TBC1D5: variants seen among roughly 807,000 people sequenced by gnomAD.
TBC1D5 encodes the protein TBC1 domain family member 5.
Under a neutral mutation model 100.3 loss-of-function variants are expected in TBC1D5, and 75 were observed. The observed-to-expected ratio is 0.75, with a 90% CI of 0.62 to 0.91. TBC1D5 has a LOEUF of 0.91. Ranked by LOEUF, TBC1D5 falls within the 40% of genes least tolerant of loss-of-function variation. The pLI is 0.00. For missense variants in TBC1D5, 910 were observed against 942.4 expected, an observed-to-expected ratio of 0.97 and a Z score of 0.45; for synonymous variants, 323 against 325.6, an observed-to-expected ratio of 0.99 and a Z score of 0.09.
intron 4 of TBC1D5, among the ~76,000 whole-genome samples, chr3:17,423,164 C>T (rs2094255550): frequency 6.6e-6 from 1 of 152,000 alleles, no homozygotes; most frequent in Non-Finnish European, 1.5e-5. Context: ...AAGACAAGTG[C>T]CTTTTTTTGT....
chr3:17,309,944 A>C (rs2083822872), intron 13 of TBC1D5, among the ~76,000 whole-genome samples: 1 of 152,118 alleles, frequency 6.6e-6, no homozygotes, highest in East Asian at 1.9e-4. Flanking sequence ...TCCTCCATCA[A>C]TGAGGAAAGT....
At chr3:17,255,067 C>T (rs2077518090) in intron 16 of TBC1D5, among the ~76,000 whole-genome samples, 1 of 152,050 alleles carries the variant, frequency 6.6e-6, no homozygotes. Flanking sequence ...CATCTGTAGG[C>T]CATGAACTGA....
rs536848145 is a variant in TBC1D5 at position 17,429,329 on chromosome 3, T to A, written c.98-810A>T. Among the ~76,000 whole-genome samples the A allele has an allele frequency of 1.8e-4, 27 of 152,022 alleles. 1 individual carries two copies. The highest frequency in any genetic ancestry group is 1.2e-3 in the South Asian group (6 of 4,824). ...TATTGATTGAAATTTCATAGTTCAA[T>A]TTTTTTAAATATATACTTCAAAGTA... is the stretch of plus-strand genomic sequence containing the variant. On this transcript the variant is annotated intron_variant, in intron 3 of 21. Coordinates refer to ENST00000253692, the Ensembl canonical transcript of TBC1D5.
rs552793397 is a variant in TBC1D5, at chr3:17,422,159, G to T, written c.167+6291C>A. 6.6e-5 allele frequency among the ~76,000 whole-genome samples: 10 copies of T among 151,846 alleles called. No individual in the cohort carries two copies. In the South Asian group the frequency reaches 1.0e-3, roughly 16 times the overall value. On this transcript the variant is annotated intron_variant, in intron 4 of 21. Transcript: ENST00000253692. ...GCCAATATTCTGTTTTTGTTTTTTG[G>T]TTTTTGGGATTTTTTTGTTTTGTTG...
At chr3:17,267,447 G>A (rs2078969233) in intron 15 of TBC1D5, among the ~76,000 whole-genome samples, 1 of 151,946 alleles carries the variant, frequency 6.6e-6, no homozygotes, top group South Asian at 2.1e-4. Flanking sequence ...CCATTTGTCT[G>A]TTCCTAAGAG....
intron 3 of TBC1D5, among the ~76,000 whole-genome samples, chr3:17,475,490 A>G (rs2095427757): frequency 6.6e-6 from 1 of 152,080 alleles, no homozygotes; most frequent in Admixed American, 6.6e-5. Context: ...CAGTTGCCCA[A>G]TGCCAAAAAT....
intron 2 of TBC1D5, among the ~76,000 whole-genome samples, chr3:17,571,585 AT>A (rs1173159790): frequency 6.6e-6 from 1 of 151,916 alleles, no homozygotes; most frequent in Admixed American, 6.6e-5. Context: ...ATGAGCTACT[AT>A]TTCAACTAAT....
intron 1 of TBC1D5, among the ~76,000 whole-genome samples, chr3:17,661,766 G>A (rs548749919): frequency 5.9e-5 from 9 of 151,998 alleles, no homozygotes; most frequent in East Asian, 1.9e-4. Flanking sequence ...CCAAAGTGCC[G>A]GGATCACAGG....
chr3:17,703,580 T>C (rs770498139), intron 1 of TBC1D5, among the ~76,000 whole-genome samples: 1 of 152,142 alleles, frequency 6.6e-6, no homozygotes, highest in Non-Finnish European at 1.5e-5. Context: ...GAAAGACTAG[T>C]AGTTGAACTC....
At chr3:17,585,061 G>C (rs2096724346) in intron 2 of TBC1D5, among the ~76,000 whole-genome samples, 2 of 152,152 alleles carry the variant, frequency 1.3e-5, no homozygotes, top group South Asian at 4.1e-4. Flanking sequence ...AAAGTGCTGG[G>C]ATTACAGGTG....
chr3:17,694,761 T>C (rs960555798), intron 1 of TBC1D5, among the ~76,000 whole-genome samples: 11 of 151,848 alleles, frequency 7.2e-5, no homozygotes, highest in South Asian at 4.2e-4. Flanking sequence ...ATAAAGATAC[T>C]CCTCAAGAAG....
intron 15 of TBC1D5, among the ~76,000 whole-genome samples, chr3:17,288,886 G>C (rs2081427562): frequency 6.6e-6 from 1 of 152,168 alleles, no homozygotes; most frequent in Non-Finnish European, 1.5e-5. Flanking sequence ...GACCCCTTGT[G>C]ATGGGAAGCA....
intron 14 of TBC1D5, among the ~76,000 whole-genome samples, chr3:17,302,070 T>G (rs1051568781): frequency 2.6e-5 from 4 of 152,224 alleles, no homozygotes; most frequent in Non-Finnish European, 4.4e-5. Context: ...ATCAAAGTTT[T>G]GGTAGGACCA....
chr3:17,516,197 G>C (rs908332276), intron 2 of TBC1D5, among the ~76,000 whole-genome samples: 1 of 152,138 alleles, frequency 6.6e-6, no homozygotes, highest in East Asian at 1.9e-4. Context: ...ACCAGCACCA[G>C]AAGTAATTTC....
At chr3:17,557,360 T>C (rs1200735876) in intron 2 of TBC1D5, among the ~76,000 whole-genome samples, 2 of 152,192 alleles carry the variant, frequency 1.3e-5, no homozygotes, top group Non-Finnish European at 2.9e-5. Context: ...TAACATTCCA[T>C]TTGGATGTAT....
At chr3:17,438,446 C>A (rs912709262) in intron 3 of TBC1D5, among the ~76,000 whole-genome samples, 1 of 152,078 alleles carries the variant, frequency 6.6e-6, no homozygotes, top group African/African-American at 2.4e-5. Context: ...TTTTCCCCAT[C>A]CTCTTCTCAT....
chr3:17,368,364 C>G (rs1248233232), intron 13 of TBC1D5, among the ~76,000 whole-genome samples: 3 of 152,076 alleles, frequency 2.0e-5, no homozygotes, highest in Non-Finnish European at 4.4e-5. Flanking sequence ...TCTCCCACCT[C>G]AGGAGATATT....
intron 2 of TBC1D5, among the ~76,000 whole-genome samples, chr3:17,551,270 A>AAAATT (rs1217014770): frequency 2.0e-5 from 3 of 152,194 alleles, no homozygotes; most frequent in African/African-American, 7.2e-5. Context: ...ATAAAAGTAT[A>AAAATT]TCTTTTTAAT....
chr3:17,381,285 T>C (rs1303211960), intron 9 of TBC1D5, among the ~76,000 whole-genome samples: 1 of 152,022 alleles, frequency 6.6e-6, no homozygotes, highest in Non-Finnish European at 1.5e-5. Flanking sequence ...AGAACTTGTT[T>C]CCATTATTAT....
Sources: allele counts gnomAD v4.1 joint callset (sites outside exome capture counted in the v4.1 genomes callset), GRCh38; gene constraint gnomAD v4.1.1; transcripts MANE v1.5; gene names NCBI Gene and HGNC (gene_info 2026-07-23, HGNC 2026-07-21).